Variants in KLRG1 observed in about 807,000 individuals in gnomAD.
KLRG1 encodes killer cell lectin like receptor G1, also known as killer cell lectin-like receptor subfamily G member 1.
Under a neutral mutation model 21.8 loss-of-function variants are expected in KLRG1, and 16 were observed. The ratio of observed to expected loss-of-function variants is 0.73; its 90% CI spans 0.50 to 1.11. KLRG1 has a LOEUF of 1.11. Ranked by LOEUF, KLRG1 falls within the 50% of genes most tolerant of loss-of-function variation. The pLI is 0.00. For synonymous variants in KLRG1, 69 were observed against 75.9 expected (o/e 0.91, Z 0.47); for missense variants, 173 against 218.3 (o/e 0.79, Z 1.31).
At chr12:9,095,702 T>G in the KLRG1 span, 1 of 1,561,914 alleles carries the variant, frequency 6.4e-7, no homozygotes, top group Non-Finnish European at 8.7e-7. Context: ...GTTGTAAACC[T>G]GTACAAATAC....
At chr12:9,181,669 G>A in the KLRG1 span, among the ~76,000 whole-genome samples, 5 of 152,148 alleles carry the variant, frequency 3.3e-5, no homozygotes, top group South Asian at 6.2e-4. Context: ...GTAATTCTAG[G>A]TGTTTACACT....
chr12:9,201,469 A>G, the KLRG1 span: 2 of 720,830 alleles, frequency 2.8e-6, no homozygotes, highest in South Asian at 2.1e-5. Context: ...AACAAGAAAC[A>G]TAACAGAACT....
chr12:9,118,727 A>C, the KLRG1 span, among the ~76,000 whole-genome samples: 14 of 152,234 alleles, frequency 9.2e-5, no homozygotes, highest in Non-Finnish European at 1.6e-4. Flanking sequence ...ATGTGATTAC[A>C]GTGTCACAGT....
At chr12:8,980,619 G>A (rs1277909198) in intron 1 of KLRG1, among the ~76,000 whole-genome samples, 1 of 152,192 alleles carries the variant, frequency 6.6e-6, no homozygotes, top group Non-Finnish European at 1.5e-5. Flanking sequence ...TCTAAAGGGT[G>A]TGTCATGGCA....
At chr12:9,099,308 T>A in the KLRG1 span, 3 of 1,417,266 alleles carry the variant, frequency 2.1e-6, no homozygotes, top group Non-Finnish European at 2.9e-6. Flanking sequence ...AATGTTCACA[T>A]GTGTAAAACA....
the KLRG1 span, chr12:9,091,502 G>A: frequency 4.1e-6 from 6 of 1,463,474 alleles, no homozygotes; most frequent in African/African-American, 1.4e-5. Flanking sequence ...GAATCCCTAG[G>A]AATGATTCTA....
the KLRG1 span, chr12:9,196,597 T>TC: frequency 6.2e-7 from 1 of 1,612,430 alleles, no homozygotes; most frequent in Non-Finnish European, 8.5e-7. Context: ...GATCCTGGCT[T>TC]CCACTCTAAG....
the KLRG1 span, chr12:9,112,013 G>GAAAACTCACCAACTC: frequency 1.2e-6 from 1 of 825,586 alleles, no homozygotes; most frequent in Non-Finnish European, 2.2e-6. Flanking sequence ...TGATGTTTTA[G>GAAAACTCACCAACTC]ATTAGGATCT....
At chr12:8,960,616 A>G (rs74060264) in intron 1 of KLRG1, among the ~76,000 whole-genome samples, 1 of 152,252 alleles carries the variant, frequency 6.6e-6, no homozygotes, top group East Asian at 1.9e-4. Context: ...GATTGTTCAC[A>G]TTTTTGCATG....
At chr12:9,109,575 A>C in the KLRG1 span, among the ~76,000 whole-genome samples, 1 of 152,214 alleles carries the variant, frequency 6.6e-6, no homozygotes, top group Non-Finnish European at 1.5e-5. Context: ...ATTTCAGTTG[A>C]GGGACTATGA....
chr12:9,192,218 G>A, the KLRG1 span: 1 of 1,614,042 alleles, frequency 6.2e-7, no homozygotes, highest in Non-Finnish European at 8.5e-7. Context: ...CAGGCAGAGT[G>A]TGGGTTCCAG....
chr12:9,165,249 G>A, the KLRG1 span: 28 of 1,614,030 alleles, frequency 1.7e-5, no homozygotes, highest in South Asian at 9.9e-5. Flanking sequence ...TGGAAGGCTC[G>A]GAGAGAGGCA....
At chr12:9,173,634 T>C in the KLRG1 span, among the ~76,000 whole-genome samples, 1 of 151,998 alleles carries the variant, frequency 6.6e-6, no homozygotes, top group African/African-American at 2.4e-5. Flanking sequence ...CAATCAGAAA[T>C]GATAGGGGAA....
chr12:9,042,910 G>C, the KLRG1 span, among the ~76,000 whole-genome samples: 2 of 152,108 alleles, frequency 1.3e-5, no homozygotes, highest in Admixed American at 1.3e-4. Context: ...ATGATTGCAG[G>C]ACTGGGCCCT....
chr12:9,195,540 C>A, the KLRG1 span, among the ~76,000 whole-genome samples: 1 of 151,548 alleles, frequency 6.6e-6, no homozygotes, highest in East Asian at 1.9e-4. Context: ...AAGTTCTGGG[C>A]TCGAGGGATC....
chr12:8,969,932 A>G (rs1946539561), intron 1 of KLRG1, among the ~76,000 whole-genome samples: 1 of 152,210 alleles, frequency 6.6e-6, no homozygotes, highest in African/African-American at 2.4e-5. Flanking sequence ...ACTGGGCAAC[A>G]TGGTGAAACC....
the KLRG1 span, chr12:9,101,517 G>C: frequency 6.2e-7 from 1 of 1,613,952 alleles, no homozygotes; most frequent in South Asian, 1.1e-5. Flanking sequence ...TGCCTGGACT[G>C]TCTGAGTATG....
At chr12:9,002,930 CA>C in intron 3 of KLRG1, among the ~76,000 whole-genome samples, 1 of 151,658 alleles carries the variant, frequency 6.6e-6, no homozygotes, top group African/African-American at 2.4e-5. Context: ...CACACACACA[CA>C]CACACACACA....
the KLRG1 span, among the ~76,000 whole-genome samples, chr12:9,103,669 C>T: frequency 6.6e-6 from 1 of 152,134 alleles, no homozygotes; most frequent in Non-Finnish European, 1.5e-5. Flanking sequence ...CAGTATTGGT[C>T]TTTTTGTGAC....
Sources: allele counts gnomAD v4.1 joint callset (sites outside exome capture counted in the v4.1 genomes callset), GRCh38; gene constraint gnomAD v4.1.1; transcripts MANE v1.5; gene names NCBI Gene and HGNC (gene_info 2026-07-23, HGNC 2026-07-21).